The following GPR55 variants were observed in gnomAD, a reference collection of about 807,000 sequenced individuals.
The protein encoded by GPR55 is G protein-coupled receptor 55.
In GPR55, 6 loss-of-function variants were observed where a neutral mutation model predicts 7.9. That is an observed-to-expected ratio of 0.76 (90% CI 0.41 to 1.49). The LOEUF (loss-of-function observed/expected upper bound fraction) is 1.49, where lower values mean the gene tolerates loss of function less well. Ranked by LOEUF, GPR55 falls within the 40% of genes most tolerant of loss-of-function variation. The probability of loss-of-function intolerance (pLI) is 0.01; values close to 1 mark genes in which losing one functional copy is unlikely to be tolerated. For synonymous variants in GPR55, 183 were observed against 166.8 expected (o/e 1.10, Z -0.75); for missense variants, 376 against 406.0 (o/e 0.93, Z 0.63).
At chr2:230,934,400 G>C (rs1387285693) in intron 1 of GPR55, among the ~76,000 whole-genome samples, 1 of 152,198 alleles carries the variant, frequency 6.6e-6, no homozygotes, top group Non-Finnish European at 1.5e-5. Flanking sequence ...TCAGGGATGG[G>C]GGTTAGTTCC....
intron 1 of GPR55, among the ~76,000 whole-genome samples, chr2:230,954,046 C>T (rs1296577192): frequency 6.6e-6 from 1 of 152,250 alleles, no homozygotes; most frequent in Non-Finnish European, 1.5e-5. Flanking sequence ...CAGCTTCCCA[C>T]TGGCTTCTGA....
Position 230,944,059 on chromosome 2 carries a change from A to G in GPR55, c.-135+16716T>C, listed in dbSNP as rs1210367253. On this transcript the variant is annotated intron_variant, in intron 1 of 1. Transcript: ENST00000392039. This position sits in a 1 kb window ranked among gnomAD's most constrained non-coding sequence, Gnocchi z 4.2. ...CTCTTCTCCCTGGCCCTAGCCCAGG[A>G]GGAGGACCAGCAAGAGTAGTGAAGT... Among the ~76,000 whole-genome samples the G allele has an allele frequency of 6.6e-6, 1 of 152,220 alleles. No homozygotes were observed. Among genetic ancestry groups the G allele is most frequent in the East Asian group, 1.9e-4 (1 of 5,196 alleles).
chr2:230,931,139 C>A (rs1306820297), intron 1 of GPR55, among the ~76,000 whole-genome samples: 1 of 152,260 alleles, frequency 6.6e-6, no homozygotes, highest in South Asian at 2.1e-4. Flanking sequence ...TCTTTAATGC[C>A]ATCAAATATC....
intron 1 of GPR55, among the ~76,000 whole-genome samples, chr2:230,942,310 C>A (rs75937309): frequency 1.3e-5 from 2 of 152,254 alleles, no homozygotes; most frequent in South Asian, 2.1e-4. Context: ...CTGCCTCAGC[C>A]GGGCCTCCTG....
At chr2:230,937,077 G>T (rs1691143357) in intron 1 of GPR55, among the ~76,000 whole-genome samples, 1 of 152,150 alleles carries the variant, frequency 6.6e-6, no homozygotes, top group Non-Finnish European at 1.5e-5. Flanking sequence ...CTGATTTTCA[G>T]TTGGGCTGTA....
At chr2:230,947,963 A>G (rs528834393) in intron 1 of GPR55, among the ~76,000 whole-genome samples, 3 of 152,162 alleles carry the variant, frequency 2.0e-5, no homozygotes, top group Non-Finnish European at 4.4e-5. Context: ...TCACCAGGCC[A>G]CGGTGGCTTT....
intron 1 of GPR55, among the ~76,000 whole-genome samples, chr2:230,930,537 G>A (rs1029518521): frequency 6.0e-5 from 9 of 150,266 alleles, no homozygotes; most frequent in Admixed American, 1.3e-4. Context: ...TGCAACCTTC[G>A]TTTCCTGGGC....
intron 1 of GPR55, among the ~76,000 whole-genome samples, chr2:230,917,667 G>A (rs1480128111): frequency 2.0e-5 from 3 of 151,904 alleles, no homozygotes; most frequent in East Asian, 1.9e-4. Flanking sequence ...TTAATTAGCT[G>A]GATGTGGTGG....
chr2:230,934,546 A>T (rs540773108), intron 1 of GPR55, among the ~76,000 whole-genome samples: 1 of 152,198 alleles, frequency 6.6e-6, no homozygotes, highest in Non-Finnish European at 1.5e-5. Flanking sequence ...ACCCAGCCCA[A>T]GTGCTTAGCA....
At chr2:230,945,740 C>T (rs7574470) in intron 1 of GPR55, among the ~76,000 whole-genome samples, 137,485 of 152,242 alleles carry the variant, frequency 0.9, 62,329 homozygotes, top group East Asian at 1. Context: ...ACCTGGTTCA[C>T]TTTTTGTATT....
chr2:230,950,035 C>T (rs1041761298), intron 1 of GPR55, among the ~76,000 whole-genome samples: 3 of 152,210 alleles, frequency 2.0e-5, no homozygotes, highest in African/African-American at 7.2e-5. Flanking sequence ...GGGGTTTCAC[C>T]ATGCTGGCCA....
intron 1 of GPR55, among the ~76,000 whole-genome samples, chr2:230,914,902 G>A (rs1354422912): frequency 3.9e-5 from 6 of 152,248 alleles, no homozygotes; most frequent in Non-Finnish European, 7.3e-5. Context: ...GAGAGAGCAG[G>A]AGGAGGTGGG....
chr2:230,958,443 T>C (rs945076147), intron 1 of GPR55, among the ~76,000 whole-genome samples: 8 of 151,660 alleles, frequency 5.3e-5, no homozygotes, highest in African/African-American at 1.7e-4. Context: ...TCAGTTATTA[T>C]TGACTATAGT....
At position 230,914,695 on chromosome 2, in the gene GPR55, A is replaced by G. The variant is rs530067346; in HGVS notation, c.-134-3599T>C. Among the ~76,000 whole-genome samples, 6 of 152,216 alleles carry G rather than the reference A, an allele frequency of 3.9e-5. No individual in the cohort carries two copies. In the East Asian group the frequency reaches 7.7e-4, roughly 20 times the overall value. On this transcript the variant is annotated intron_variant, in intron 1 of 1. Coordinates refer to ENST00000650999, the MANE Select transcript of GPR55 (RefSeq NM_005683.4). Reference sequence around the variant, plus strand: ...GGGGCAGCAACTAGCACCATTTGCTACTTGTGGGGTGTGGGGCCATTCCAT... The same window carrying G: ...GGGGCAGCAACTAGCACCATTTGCTGCTTGTGGGGTGTGGGGCCATTCCAT...
At chr2:230,927,293 C>G (rs776146932), upstream of GPR55, among the ~76,000 whole-genome samples, 47 of 152,236 alleles carry the variant, frequency 3.1e-4, 1 homozygote, top group Admixed American at 9.1e-4. Context: ...TTGTCCACCT[C>G]CCTCTCCTGT....
Position 230,914,668 on chromosome 2 carries a change from G to A in GPR55, c.-134-3572C>T, listed in dbSNP as rs367580195. ...TGTGGGTGGGGGAGGGGAACGGGGC[G>A]GGGGGCAGCAACTAGCACCATTTGC... On this transcript the variant is annotated intron_variant, in intron 1 of 1. Coordinates refer to ENST00000650999, the MANE Select transcript of GPR55 (RefSeq NM_005683.4). Among the ~76,000 whole-genome samples, 471 of 152,054 alleles carry A rather than the reference G, an allele frequency of 3.1e-3. 1 individual carries two copies. Among genetic ancestry groups the A allele is most frequent in the African/African-American group, 0.01 (426 of 41,482 alleles).
At chr2:230,940,800 CG>C (rs1559177713) in intron 1 of GPR55, among the ~76,000 whole-genome samples, 1 of 152,170 alleles carries the variant, frequency 6.6e-6, no homozygotes, top group East Asian at 1.9e-4. Flanking sequence ...CTGGCTGCAC[CG>C]GGGCCTGCAG....
upstream of GPR55, chr2:230,929,858 C>T (rs1691005872): frequency 6.6e-6 from 1 of 152,274 alleles, no homozygotes; most frequent in Non-Finnish European, 1.5e-5. Context: ...TGTCCCATGG[C>T]TCCCCTGGCA....
chr2:230,936,703 G>A (rs139696741), intron 1 of GPR55, among the ~76,000 whole-genome samples: 1 of 152,264 alleles, frequency 6.6e-6, no homozygotes, highest in East Asian at 1.9e-4. Context: ...TCCAATATGT[G>A]GATTTAGGCT....
Sources: allele counts gnomAD v4.1 joint callset (sites outside exome capture counted in the v4.1 genomes callset), GRCh38; gene constraint gnomAD v4.1.1; non-coding constraint Gnocchi (gnomAD v3.1); transcripts MANE v1.5; gene names NCBI Gene and HGNC (gene_info 2026-07-23, HGNC 2026-07-21).